The following DNAI7 variants were observed in gnomAD, a reference collection of about 807,000 sequenced individuals.
DNAI7 encodes cancer susceptibility 1.
A neutral mutation model predicts 86.6 loss-of-function variants in DNAI7; 78 were observed. The observed-to-expected ratio is 0.90, with a 90% CI of 0.75 to 1.09. DNAI7 has a LOEUF of 1.09. Ranked by LOEUF, DNAI7 falls within the 50% of genes least tolerant of loss-of-function variation. The pLI is 0.00. For missense variants in DNAI7, 753 were observed against 810.2 expected (o/e 0.93, Z 0.86); for synonymous variants, 274 against 273.0 (o/e 1.00, Z -0.04).
chr12:25,155,270 G>T, intron 5 of DNAI7, 41 bp downstream of exon 5: 1 of 1,066,416 alleles, frequency 9.4e-7, no homozygotes, highest in Non-Finnish European at 1.4e-6. Context: ...TCCCTCTTGT[G>T]GTGACAAAGG....
intron 9 of DNAI7, among the ~76,000 whole-genome samples, chr12:25,130,090 A>T (rs1458153228): frequency 6.6e-6 from 1 of 152,004 alleles, no homozygotes; most frequent in Non-Finnish European, 1.5e-5. Context: ...CCCATGTAGA[A>T]TCTCTCTCAT....
intron 2 of DNAI7, among the ~76,000 whole-genome samples, chr12:25,170,922 A>T (rs1227058081): frequency 1.3e-5 from 2 of 152,232 alleles, no homozygotes; most frequent in African/African-American, 2.4e-5. Context: ...AAATTCTTCC[A>T]ACTGAATGAC....
chr12:25,126,014 C>T (rs928591066), intron 9 of DNAI7, among the ~76,000 whole-genome samples: 1 of 152,054 alleles, frequency 6.6e-6, no homozygotes, highest in Non-Finnish European at 1.5e-5. Flanking sequence ...GTTATTGTAG[C>T]CCTGTAGTAT....
At chr12:25,124,049 T>TGTGTGG (rs1941725233) in intron 9 of DNAI7, among the ~76,000 whole-genome samples, 2 of 151,948 alleles carry the variant, frequency 1.3e-5, no homozygotes, top group Admixed American at 1.3e-4. Context: ...TGTGTGTGTG[T>TGTGTGG]GTGTGTGTGT....
At chr12:25,142,447 C>T (rs1341702635) in intron 9 of DNAI7, among the ~76,000 whole-genome samples, 1 of 151,682 alleles carries the variant, frequency 6.6e-6, no homozygotes, top group Non-Finnish European at 1.5e-5. Flanking sequence ...CACTAAAGAA[C>T]TTATCCATGT....
chr12:25,142,768 G>A (rs545223441), intron 9 of DNAI7, among the ~76,000 whole-genome samples: 1 of 152,166 alleles, frequency 6.6e-6, no homozygotes, highest in African/African-American at 2.4e-5. Context: ...GTTTAATTTT[G>A]TATTTTACTC....
intron 2 of DNAI7, among the ~76,000 whole-genome samples, chr12:25,187,244 G>A (rs1376181940): frequency 6.6e-6 from 1 of 152,020 alleles, no homozygotes; most frequent in Non-Finnish European, 1.5e-5. Context: ...ATTTCACCAA[G>A]GTCATTCTAA....
chr12:25,113,265 G>GT (rs1373928678), intron 13 of DNAI7, among the ~76,000 whole-genome samples: 1 of 139,272 alleles, frequency 7.2e-6, no homozygotes, highest in African/African-American at 2.8e-5. Flanking sequence ...ATCTCACCTA[G>GT]TTTGTTGTTG....
At chr12:25,165,726 C>G (rs534813282) in intron 2 of DNAI7, among the ~76,000 whole-genome samples, 3 of 152,302 alleles carry the variant, frequency 2.0e-5, no homozygotes, top group Non-Finnish European at 4.4e-5. Context: ...CAATACGGAG[C>G]CTACCCATTC....
downstream of DNAI7, chr12:25,107,077 C>A (rs770068375): frequency 3.0e-6 from 4 of 1,314,652 alleles, no homozygotes; most frequent in Non-Finnish European, 3.3e-6. Context: ...ATAAATTCTA[C>A]CATTTTAGTG....
At chr12:25,168,067 C>G (rs1947697870) in intron 2 of DNAI7, among the ~76,000 whole-genome samples, 1 of 152,126 alleles carries the variant, frequency 6.6e-6, no homozygotes, top group Non-Finnish European at 1.5e-5. Flanking sequence ...GAACCTCCCC[C>G]TCTACACAGT....
At chr12:25,189,331 T>C (rs1445917070) in intron 2 of DNAI7, among the ~76,000 whole-genome samples, 1 of 152,188 alleles carries the variant, frequency 6.6e-6, no homozygotes, top group Non-Finnish European at 1.5e-5. Context: ...TATGCACGAA[T>C]GCATGTGCTA....
At chr12:25,122,580 A>G (rs543483462) in intron 10 of DNAI7, among the ~76,000 whole-genome samples, 2 of 152,322 alleles carry the variant, frequency 1.3e-5, no homozygotes, top group South Asian at 2.1e-4. Context: ...AAAGAAGCAT[A>G]AAGTTAACAG....
downstream of DNAI7, chr12:25,108,208 T>A: frequency 2.4e-6 from 2 of 844,244 alleles, no homozygotes; most frequent in South Asian, 3.9e-5. Flanking sequence ...TCTTTTTGCC[T>A]TTATCTCCCC....
chr12:25,126,341 C>A (rs1942131805), intron 9 of DNAI7, among the ~76,000 whole-genome samples: 1 of 152,054 alleles, frequency 6.6e-6, no homozygotes. Context: ...CAGTAGGAAC[C>A]TAATGTGAAG....
At position 25,195,128 on chromosome 12, in the gene DNAI7, T is replaced by G. The variant is rs769125197; in HGVS notation, c.-50A>C. On this transcript the variant is annotated 5_prime_UTR_variant, in exon 1 of 16. Transcript: ENST00000395987. The stretch of plus-strand genomic sequence containing the variant: ...GTCCGCAGAGTCGGAGCAGAAATTG[T>G]GTGGACAAACGCTCCCGGGTTGCCC... 9 of 1,598,086 alleles carry G rather than the reference T, an allele frequency of 5.6e-6. No homozygotes were observed. Among genetic ancestry groups the G allele is most frequent in the African/African-American group, 1.3e-5 (1 of 74,624 alleles).
In DNAI7 at chr12:25,120,796, G is replaced by A. The variant is rs74073312; in HGVS notation, c.1239+957C>T. 7.8e-4 allele frequency among the ~76,000 whole-genome samples: 118 copies of A among 151,714 alleles called. 1 individual carries two copies. Among genetic ancestry groups the A allele is most frequent in the African/African-American group, 2.7e-3 (114 of 41,534 alleles). On this transcript the variant is annotated intron_variant, in intron 11 of 15. Coordinates refer to ENST00000395987, the MANE Select transcript of DNAI7 (RefSeq NM_018272.5). ...CGCAAGTGTTACTACTTATAAAACA[G>A]GGGTGAGAAACTCCTTGAAAGATGA...
intron 9 of DNAI7, among the ~76,000 whole-genome samples, chr12:25,124,639 G>A (rs1395848115): frequency 1.3e-5 from 2 of 152,072 alleles, no homozygotes; most frequent in African/African-American, 4.8e-5. Flanking sequence ...TTTTATTTTA[G>A]GTTTGAGGGT....
chr12:25,136,292 A>C (rs7959689), intron 9 of DNAI7, among the ~76,000 whole-genome samples: 104,701 of 152,078 alleles, frequency 0.69, 39,878 homozygotes, highest in East Asian at 0.99. Flanking sequence ...CACTGGGTGG[A>C]TAGACCCAGA....
Sources: allele counts gnomAD v4.1 joint callset (sites outside exome capture counted in the v4.1 genomes callset), GRCh38; gene constraint gnomAD v4.1.1; transcripts MANE v1.5; gene names NCBI Gene and HGNC (gene_info 2026-07-23, HGNC 2026-07-21).